Variants in AGFG1 observed in about 807,000 individuals in gnomAD.
AGFG1 encodes the protein arf-GAP domain and FG repeat-containing protein 1.
A neutral mutation model predicts 60.6 loss-of-function variants in AGFG1; 10 were observed. The observed-to-expected ratio is 0.16, with a 90% CI of 0.10 to 0.28. The LOEUF (loss-of-function observed/expected upper bound fraction) is 0.28, where lower values mean the gene tolerates loss of function less well. Ranked by LOEUF, AGFG1 falls within the 10% of genes least tolerant of loss-of-function variation. The pLI, the probability that AGFG1 is intolerant of heterozygous loss-of-function variation, is 1.00. For missense variants in AGFG1, 537 were observed against 676.5 expected (o/e 0.79, Z 2.29); for synonymous variants, 247 against 242.9 (o/e 1.02, Z -0.16).
intron 1 of AGFG1, among the ~76,000 whole-genome samples, chr2:227,484,878 A>G (rs1690579503): frequency 6.7e-6 from 1 of 149,540 alleles, no homozygotes; most frequent in Non-Finnish European, 1.5e-5. Context: ...TAATTTTTGT[A>G]TTTTTGTTGT....
chr2:227,551,133 G>C (rs1692806906), intron 10 of AGFG1, among the ~76,000 whole-genome samples: 1 of 152,136 alleles, frequency 6.6e-6, no homozygotes, highest in Non-Finnish European at 1.5e-5. Flanking sequence ...TACCAGCGAG[G>C]CATGGCAAGC....
chr2:227,494,491 A>G (rs1438323992), intron 2 of AGFG1, among the ~76,000 whole-genome samples: 1 of 152,232 alleles, frequency 6.6e-6, no homozygotes, highest in Non-Finnish European at 1.5e-5. Context: ...AAATTAAAAG[A>G]TCAGAAAGTA....
At chr2:227,480,904 T>C (rs981834741) in intron 1 of AGFG1, among the ~76,000 whole-genome samples, 7 of 152,202 alleles carry the variant, frequency 4.6e-5, no homozygotes, top group African/African-American at 1.7e-4. Context: ...CCTTGGAACT[T>C]TCAATATATT....
Position 227,547,914 on chromosome 2 carries a change from TATC to T in AGFG1, c.1379-4041_1379-4039del, listed in dbSNP as rs1337995172. Among the ~76,000 whole-genome samples the T allele has an allele frequency of 2.0e-5, 3 of 152,346 alleles. No homozygotes were observed. In the East Asian group the frequency reaches 5.8e-4, roughly 29 times the overall value. On this transcript the variant is annotated intron_variant, in intron 10 of 12. Coordinates refer to ENST00000310078, the MANE Select transcript of AGFG1 (RefSeq NM_004504.5). Reference sequence around the variant, plus strand: ...CACAAATGTTCATACCATCAGTATTTATCATCGCTAAGAAGTAGAAACAACCCA... The same window carrying T: ...CACAAATGTTCATACCATCAGTATTTATCGCTAAGAAGTAGAAACAACCCA...
chr2:227,488,077 T>G (rs1690691934), intron 1 of AGFG1, among the ~76,000 whole-genome samples: 1 of 152,250 alleles, frequency 6.6e-6, no homozygotes, highest in Non-Finnish European at 1.5e-5. Context: ...GAATCTCATT[T>G]TGAGTGTACT....
intron 10 of AGFG1, among the ~76,000 whole-genome samples, chr2:227,546,750 A>T (rs1038204677): frequency 6.6e-6 from 1 of 152,224 alleles, no homozygotes; most frequent in Non-Finnish European, 1.5e-5. Flanking sequence ...AGAGCCCTTA[A>T]ATCTAATTAA....
At chr2:227,544,397 G>A (rs1188041493) in intron 10 of AGFG1, among the ~76,000 whole-genome samples, 1 of 151,914 alleles carries the variant, frequency 6.6e-6, no homozygotes, top group Non-Finnish European at 1.5e-5. Context: ...CTCGTCATCT[G>A]CCTGTCTTGG....
At chr2:227,491,700 G>A in intron 2 of AGFG1, 60 bp downstream of exon 2, 2 of 996,976 alleles carry the variant, frequency 2.0e-6, no homozygotes, top group South Asian at 1.8e-5. Context: ...TCATTTTAAT[G>A]AGATTTAATA....
At chr2:227,541,287 G>C (rs1280877695) in intron 10 of AGFG1, among the ~76,000 whole-genome samples, 1 of 152,150 alleles carries the variant, frequency 6.6e-6, no homozygotes, top group Non-Finnish European at 1.5e-5. Flanking sequence ...TGTCCTGAAT[G>C]GTATTGCCTA....
chr2:227,495,259 C>G (rs986709389), intron 2 of AGFG1, among the ~76,000 whole-genome samples: 1 of 151,964 alleles, frequency 6.6e-6, no homozygotes, highest in Admixed American at 6.6e-5. Context: ...AAAAAAAAAC[C>G]TGTAGTGATC....
chr2:227,497,723 C>CTTGTTTTTTTTTTTTTTTTTTT lies in AGFG1; in HGVS notation c.261+6085_261+6086insGTTTTTTTTTTTTTTTTTTTTT. The stretch of plus-strand genomic sequence containing the variant: ...CAAGCATATATAGCCAAATGAGTTT[C>CTTGTTTTTTTTTTTTTTTTTTT]TTTCTTGTTTTGTTTTTTTTTTTTT... On this transcript the variant is annotated intron_variant, in intron 2 of 12. Coordinates refer to ENST00000310078, the MANE Select transcript of AGFG1 (RefSeq NM_004504.5). Among the ~76,000 whole-genome samples the CTTGTTTTTTTTTTTTTTTTTTT allele has an allele frequency of 2.5e-5, 2 of 80,300 alleles. 1 individual carries two copies. 52.7% of individuals were successfully genotyped at this position (80,300 alleles called of 152,430 possible).
rs141678974 is a variant in AGFG1 at position 227,504,300 on chromosome 2, C to G, written c.261+12660C>G. Among the ~76,000 whole-genome samples the G allele has an allele frequency of 1.8e-4, 28 of 151,632 alleles. No individual in the cohort carries two copies. The East Asian group carries it at 5.2e-3, about 28-fold the overall frequency. On this transcript the variant is annotated intron_variant, in intron 2 of 12. Transcript: ENST00000310078. Reference sequence around the variant, plus strand: ...CTTGACTTCCTGGGCTCAGGTGACTCTCCCACCTCAGCCTCCCAAGCACCT... The same window carrying G: ...CTTGACTTCCTGGGCTCAGGTGACTGTCCCACCTCAGCCTCCCAAGCACCT...
At chr2:227,518,874 C>T (rs12987213) in intron 2 of AGFG1, among the ~76,000 whole-genome samples, 90,366 of 152,064 alleles carry the variant, frequency 0.59, 26,962 homozygotes, top group South Asian at 0.7. Context: ...CTTTTGCCCC[C>T]GCTTTAAACA....
At chr2:227,537,119 T>C (rs1037499767) in intron 10 of AGFG1, 126 bp downstream of exon 10, 1 of 723,152 alleles carries the variant, frequency 1.4e-6, no homozygotes, top group Non-Finnish European at 2.3e-6. Flanking sequence ...GATAGAAGAG[T>C]TTGTCCATAA....
intron 5 of AGFG1, among the ~76,000 whole-genome samples, chr2:227,529,737 G>C (rs991853239): frequency 2.0e-5 from 3 of 151,946 alleles, no homozygotes; most frequent in Admixed American, 1.3e-4. Context: ...TATACTGTAG[G>C]ATCTAAACCC....
At chr2:227,479,113 A>G (rs965410616) in intron 1 of AGFG1, among the ~76,000 whole-genome samples, 2 of 152,236 alleles carry the variant, frequency 1.3e-5, no homozygotes, top group Non-Finnish European at 2.9e-5. Context: ...TGCAGTAGGC[A>G]TTAACTTTAG....
intron 4 of AGFG1, among the ~76,000 whole-genome samples, 175 bp downstream of exon 4, chr2:227,524,100 G>C (rs573765180): frequency 1.3e-5 from 2 of 151,932 alleles, no homozygotes; most frequent in Admixed American, 1.3e-4. Flanking sequence ...ATATATACTT[G>C]TTCTTTTTGC....
At chr2:227,512,382 ATTG>A (rs1418659411) in intron 2 of AGFG1, among the ~76,000 whole-genome samples, 2 of 152,156 alleles carry the variant, frequency 1.3e-5, no homozygotes, top group Non-Finnish European at 2.9e-5. Flanking sequence ...CAGTTTATGT[ATTG>A]TTTAGATATG....
intron 4 of AGFG1, 82 bp downstream of exon 4, chr2:227,524,007 C>T: frequency 4.4e-6 from 6 of 1,350,884 alleles, no homozygotes; most frequent in South Asian, 1.5e-5. Flanking sequence ...TTTAAGACAG[C>T]AGCATAATCT....
Sources: allele counts gnomAD v4.1 joint callset (sites outside exome capture counted in the v4.1 genomes callset), GRCh38; gene constraint gnomAD v4.1.1; transcripts MANE v1.5; gene names NCBI Gene and HGNC (gene_info 2026-07-23, HGNC 2026-07-21).